The following MSANTD1 variants were observed in gnomAD, a reference collection of about 807,000 sequenced individuals.
MSANTD1 encodes the protein myb/SANT-like DNA-binding domain-containing protein 1.
In MSANTD1, 7 loss-of-function variants were observed where a neutral mutation model predicts 24.2. The ratio of observed to expected loss-of-function variants is 0.29; its 90% CI spans 0.16 to 0.54. The LOEUF (loss-of-function observed/expected upper bound fraction) is 0.54, where lower values mean the gene tolerates loss of function less well. Ranked by LOEUF, MSANTD1 falls within the 20% of genes least tolerant of loss-of-function variation. The pLI is 0.94. For synonymous variants in MSANTD1, 177 were observed against 181.1 expected (o/e 0.98, Z 0.18); for missense variants, 384 against 408.2 (o/e 0.94, Z 0.51).
In MSANTD1 at chr4:3,253,319, G is replaced by A; in HGVS notation, c.433G>A (p.Asp145Asn). 6.2e-7 allele frequency: 1 copy of A among 1,610,214 alleles called. No individual in the cohort carries two copies. The highest frequency in any genetic ancestry group is 8.5e-7 in the Non-Finnish European group (1 of 1,178,426). ...VPESCDGKLPDSQPPGPSTSQ... is the reference protein window; with the variant it reads ...VPESCDGKLPNSQPPGPSTSQ... The stretch of plus-strand genomic sequence containing the variant: ...CGAGTCCTGTGATGGCAAACTGCCG[G>A]ACAGCCAGCCGCCGGGGCCCTCCAC... The change falls in exon 2 of 3, where the codon GAC becomes AAC. Residue 145 changes from aspartate (D) to asparagine (N), a missense_variant. Physicochemically the swap from Asp to Asn is conservative, Grantham distance 23. Coordinates refer to ENST00000438480, the MANE Select transcript of MSANTD1 (RefSeq NM_001042690.2).
At position 3,253,225 on chromosome 4, in the gene MSANTD1, A is replaced by C; in HGVS notation, c.339A>C (p.Thr113=). The C allele has an allele frequency of 2.6e-6, 4 of 1,568,450 alleles. No homozygotes were observed. Among genetic ancestry groups the C allele is most frequent in the South Asian group, 1.2e-5 (1 of 84,476 alleles). Residue 113 remains threonine (T), a synonymous_variant, in exon 2 of 3, where the codon ACA becomes ACC. Coordinates refer to ENST00000438480, the MANE Select transcript of MSANTD1 (RefSeq NM_001042690.2). ...GTTTCAGGAAATTAAAATGCATGAC[A>C]GATAGCGAGTCCGCCCCGCCCGACT... The part of the protein sequence containing the change: ...TFQYRKLKCM[T]DSESAPPDWP...
At chr4:3,249,569 A>G (rs1722155005) in intron 1 of MSANTD1, 27 bp downstream of exon 1, 2 of 1,585,208 alleles carry the variant, frequency 1.3e-6, no homozygotes, top group East Asian at 2.3e-5. Flanking sequence ...TGTGGGCCCC[A>G]CCAGGACGGG....
In MSANTD1 at chr4:3,253,090, C is replaced by CTG. The variant is rs1560617636; in HGVS notation, c.321-117_321-116insTG. The CTG allele has an allele frequency of 9.8e-6, 11 of 1,121,196 alleles. No homozygotes were observed. The South Asian group carries it at 1.8e-4, about 18-fold the overall frequency. 69.5% of individuals were successfully genotyped at this position (1,121,196 alleles called of 1,614,324 possible). The stretch of plus-strand genomic sequence containing the variant: ...CCGATTTTGCTGGGGAGGCCCTTGC[C>CTG]AGCCGAGAGCGGCTCCTGCCTGTGC... On this transcript the variant is annotated intron_variant, in intron 1 of 2. Coordinates refer to ENST00000438480, the MANE Select transcript of MSANTD1 (RefSeq NM_001042690.2).
intron 2 of MSANTD1, 56 bp downstream of exon 2, chr4:3,253,538 A>G: frequency 8.4e-6 from 12 of 1,429,868 alleles, no homozygotes; most frequent in Non-Finnish European, 1.1e-5. Context: ...CCCACCATTT[A>G]GAGAAAGGGA....
In MSANTD1 at chr4:3,249,513, CAAGA is replaced by C. The variant is rs1722152724; in HGVS notation, c.292_295del (p.Lys98SerfsTer4). On this transcript the variant is annotated frameshift_variant, in exon 1 of 3. Transcript: ENST00000438480. LOFTEE classifies it high-confidence loss of function. ...GCAGGCTGGGCGAGGAGATCAAGAT[CAAGA>C]TCACCAACATGACCTTCCAGTACAG... is the stretch of plus-strand genomic sequence containing the variant. 6.2e-7 allele frequency: 1 copy of C among 1,611,592 alleles called. No individual in the cohort carries two copies. Among genetic ancestry groups the C allele is most frequent in the Admixed American group, 1.7e-5 (1 of 59,934 alleles).
Position 3,256,058 on chromosome 4 carries a change from C to T in MSANTD1, c.*93C>T. On this transcript the variant is annotated 3_prime_UTR_variant, in exon 3 of 3. Transcript: ENST00000438480. ...CACTCAGGCCAGGCGGGCAAGGGGG[C>T]CGCCCCGCGAGCGGAGACCGCCTTC... The T allele has an allele frequency of 1.5e-6, 2 of 1,376,956 alleles. No individual in the cohort carries two copies. The highest frequency in any genetic ancestry group is 1.9e-6 in the Non-Finnish European group (2 of 1,064,794). 85.3% of individuals were successfully genotyped at this position (1,376,956 alleles called of 1,614,324 possible).
intron 2 of MSANTD1, 54 bp from the exon 3 acceptor site, chr4:3,255,659 CGGTGAGGCCCCT>C (rs1331358590): frequency 6.9e-7 from 1 of 1,443,988 alleles, no homozygotes; most frequent in Non-Finnish European, 9.1e-7. Context: ...CGGGAGGGTC[CGGTGAGGCCCCT>C]GGTGTGCCCA....
At chr4:3,251,151 G>A (rs1274775647) in intron 1 of MSANTD1, among the ~76,000 whole-genome samples, 1 of 152,192 alleles carries the variant, frequency 6.6e-6, no homozygotes, top group Admixed American at 6.5e-5. Flanking sequence ...AGCTGCCCGC[G>A]GCCCCACTGT....
chr4:3,256,480 T>C lies in MSANTD1; in HGVS notation c.*515T>C, dbSNP rs1722398566. ...CAGGACCTCTGCGTCTCTCCTTAAATGGCCTCTGACGCCTGATGAAAACCC... is the reference window on the plus strand; with the variant it reads ...CAGGACCTCTGCGTCTCTCCTTAAACGGCCTCTGACGCCTGATGAAAACCC... On this transcript the variant is annotated 3_prime_UTR_variant, in exon 3 of 3. Coordinates refer to ENST00000438480, the MANE Select transcript of MSANTD1 (RefSeq NM_001042690.2). The C allele has an allele frequency of 6.6e-6, 1 of 152,444 alleles. No individual in the cohort carries two copies. Among genetic ancestry groups the C allele is most frequent in the African/African-American group, 2.4e-5 (1 of 41,440 alleles). 9.4% of individuals were successfully genotyped at this position (152,444 alleles called of 1,614,324 possible).
At chr4:3,248,220 C>T (rs1355359236), upstream of MSANTD1, 2 of 152,440 alleles carry the variant, frequency 1.3e-5, no homozygotes, top group East Asian at 3.9e-4. Flanking sequence ...TCCGCTGCAT[C>T]TGGGGCTCTC....
At position 3,253,336 on chromosome 4, in the gene MSANTD1, G is replaced by A. The variant is rs1451220569; in HGVS notation, c.450G>A (p.Gly150=). 5 of 1,610,566 alleles carry A rather than the reference G, an allele frequency of 3.1e-6. No individual in the cohort carries two copies. Among genetic ancestry groups the A allele is most frequent in the South Asian group, 1.1e-5 (1 of 90,104 alleles). ...AACTGCCGGACAGCCAGCCGCCGGGGCCCTCCACGTCCCAGACCGAGGCGT... is the reference window on the plus strand; with the variant it reads ...AACTGCCGGACAGCCAGCCGCCGGGACCCTCCACGTCCCAGACCGAGGCGT... ...DGKLPDSQPP[G]PSTSQTEASL... Residue 150 remains glycine (G), a synonymous_variant, in exon 2 of 3, where the codon GGG becomes GGA. Transcript: ENST00000438480.
rs1722143175 is a variant in MSANTD1, at chr4:3,249,381, C to T, written c.159C>T (p.Gly53=). The part of the protein sequence containing the change: ...ARNWTDAEMR[G]LMLVWEEFFD... Reference sequence around the variant, plus strand: ...ACTGGACGGACGCCGAGATGCGCGGCCTCATGCTGGTCTGGGAGGAGTTCT... The same window carrying T: ...ACTGGACGGACGCCGAGATGCGCGGTCTCATGCTGGTCTGGGAGGAGTTCT... Residue 53 remains glycine (G), a synonymous_variant, in exon 1 of 3, where the codon GGC becomes GGT. Coordinates refer to ENST00000438480, the MANE Select transcript of MSANTD1 (RefSeq NM_001042690.2). 6.3e-7 allele frequency: 1 copy of T among 1,583,344 alleles called. No individual in the cohort carries two copies. The highest frequency in any genetic ancestry group is 1.3e-5 in the African/African-American group (1 of 74,580).
chr4:3,247,591 C>T (rs1191826575), upstream of MSANTD1: 2 of 152,354 alleles, frequency 1.3e-5, no homozygotes, highest in Non-Finnish European at 2.9e-5. Flanking sequence ...TGGAGATGCC[C>T]CAGTGCCAGG....
chr4:3,252,357 C>G (rs1321486881), intron 1 of MSANTD1, among the ~76,000 whole-genome samples: 1 of 152,248 alleles, frequency 6.6e-6, no homozygotes, highest in Non-Finnish European at 1.5e-5. Flanking sequence ...AGGGCAGGAC[C>G]TGTCTGCAGG....
At chr4:3,255,699 G>A (rs936386469) in intron 2 of MSANTD1, 26 bp from the exon 3 acceptor site, 32 of 1,505,652 alleles carry the variant, frequency 2.1e-5, no homozygotes, top group African/African-American at 8.3e-5. Context: ...TGGCCAGCAC[G>A]TCCACAGCCG....
At chr4:3,250,401 G>C (rs912188556) in intron 1 of MSANTD1, among the ~76,000 whole-genome samples, 1 of 152,232 alleles carries the variant, frequency 6.6e-6, no homozygotes, top group African/African-American at 2.4e-5. Flanking sequence ...ATCTTAAAGT[G>C]CGTGGGTCCC....
rs371068502 is a variant in MSANTD1, at chr4:3,249,243, G to A, written c.21G>A (p.Pro7=). The A allele has an allele frequency of 6.5e-5, 94 of 1,442,518 alleles. 1 individual carries two copies. The East Asian group carries it at 1.6e-3, about 25-fold the overall frequency. The allele number at this position is 1,442,518 out of a possible 1,614,324, so 89.4% of individuals were successfully genotyped here. A position where few individuals can be genotyped will look rare whatever the true frequency, so the allele number is the denominator to read the frequency against. Residue 7 remains proline, a synonymous_variant, in exon 1 of 3, where the codon CCG becomes CCA. Transcript: ENST00000438480. The part of the protein sequence containing the change: MVRGAG[P]GPSLSALSHP... ...CGCCCATGGTGCGTGGGGCCGGGCCGGGGCCCTCGCTGAGCGCGCTCTCTC... is the reference window on the plus strand; with the variant it reads ...CGCCCATGGTGCGTGGGGCCGGGCCAGGGCCCTCGCTGAGCGCGCTCTCTC...
upstream of MSANTD1, chr4:3,246,461 T>G (rs562241810): frequency 2.2e-6 from 1 of 447,346 alleles, no homozygotes; most frequent in African/African-American, 2.0e-5. Context: ...GGGCCCAGCC[T>G]CATTATTTAG....
intron 2 of MSANTD1, among the ~76,000 whole-genome samples, chr4:3,255,318 G>A (rs1466707282): frequency 6.6e-6 from 1 of 151,900 alleles, no homozygotes; most frequent in African/African-American, 2.4e-5. Context: ...CCGCCTCGTG[G>A]GTTCAAGCGA....
Sources: gnomAD v4.1 joint callset for allele counts (sites outside exome capture counted in the v4.1 genomes callset) on GRCh38, gnomAD v4.1.1 for gene constraint, MANE v1.5 for transcripts, NCBI Gene and HGNC (gene_info 2026-07-23, HGNC 2026-07-21) for gene names.